METTL15: variants seen among roughly 807,000 people sequenced by gnomAD.
METTL15 encodes the protein 12S rRNA N(4)-cytidine methyltransferase METTL15.
A neutral mutation model predicts 38.3 loss-of-function variants in METTL15; 34 were observed. That is an observed-to-expected ratio of 0.89 (90% CI 0.68 to 1.18). The LOEUF is 1.18. METTL15 is among the 50% of genes most tolerant of loss of function. The probability of loss-of-function intolerance (pLI) is 0.00; values close to 1 mark genes in which losing one functional copy is unlikely to be tolerated. For missense variants in METTL15, 438 were observed against 498.4 expected (o/e 0.88, Z 1.15); for synonymous variants, 162 against 170.9 (o/e 0.95, Z 0.41).
chr11:28,294,848 A>G (rs1023428346), intron 5 of METTL15, among the ~76,000 whole-genome samples: 1 of 152,162 alleles, frequency 6.6e-6, no homozygotes, highest in Non-Finnish European at 1.5e-5. Context: ...GTATTGTCCA[A>G]TTATTTATTT....
chr11:28,399,221 G>A (rs1850605705), intron 5 of METTL15: 1 of 151,970 alleles, frequency 6.6e-6, no homozygotes, highest in African/African-American at 2.4e-5. Flanking sequence ...TTTAATAAAT[G>A]GTGTTGGGAA....
intron 3 of METTL15, among the ~76,000 whole-genome samples, chr11:28,342,049 A>G (rs1849957304): frequency 6.6e-6 from 1 of 152,176 alleles, no homozygotes; most frequent in African/African-American, 2.4e-5. Context: ...AATGTCTGAA[A>G]GGTGTAAAAC....
intron 4 of METTL15, among the ~76,000 whole-genome samples, chr11:28,356,509 G>T (rs1271964950): frequency 6.6e-6 from 1 of 152,204 alleles, no homozygotes; most frequent in Non-Finnish European, 1.5e-5. Flanking sequence ...GAGGCACAAA[G>T]TGGAGGCAAA....
intron 6 of METTL15, among the ~76,000 whole-genome samples, chr11:28,484,511 C>T (rs1851421989): frequency 6.6e-6 from 1 of 152,264 alleles, no homozygotes; most frequent in Admixed American, 6.5e-5. Flanking sequence ...TTTCCATGTC[C>T]TTTGTTGCCT....
chr11:28,237,467 A>G (rs1027740155), intron 4 of METTL15, among the ~76,000 whole-genome samples: 1 of 152,012 alleles, frequency 6.6e-6, no homozygotes, highest in African/African-American at 2.4e-5. Flanking sequence ...TCCTTTAAGC[A>G]CTTCTCTGTA....
intron 4 of METTL15, among the ~76,000 whole-genome samples, chr11:28,250,359 T>C (rs1854689490): frequency 6.6e-6 from 1 of 152,048 alleles, no homozygotes; most frequent in African/African-American, 2.4e-5. Flanking sequence ...AAGCATTTCC[T>C]TTTCTCTCCA....
At chr11:28,314,693 GT>G (rs1857420240) in intron 6 of METTL15, among the ~76,000 whole-genome samples, 1 of 152,110 alleles carries the variant, frequency 6.6e-6, no homozygotes, top group Non-Finnish European at 1.5e-5. Flanking sequence ...AGTTGGTATG[GT>G]TTGGCTCTGT....
intron 6 of METTL15, among the ~76,000 whole-genome samples, chr11:28,466,931 C>G (rs762328065): frequency 6.6e-6 from 1 of 152,196 alleles, no homozygotes; most frequent in Non-Finnish European, 1.5e-5. Context: ...AGCACACATA[C>G]TTTCTGCTCT....
chr11:28,458,404 T>A lies in METTL15; in HGVS notation c.*424+34040T>A, dbSNP rs1227776142. Reference sequence around the variant, plus strand: ...ATCATAACTCTGTGATAACTGGGACTTAGATATCCATAAAACTTGCCCAAT... The same window carrying A: ...ATCATAACTCTGTGATAACTGGGACATAGATATCCATAAAACTTGCCCAAT... On this transcript the variant is annotated intron_variant and NMD_transcript_variant, in intron 6 of 7. Coordinates refer to the METTL15 transcript ENST00000532947. 2.6e-5 allele frequency among the ~76,000 whole-genome samples: 4 copies of A among 152,218 alleles called. No individual in the cohort carries two copies. The East Asian group carries it at 5.8e-4, about 22-fold the overall frequency.
intron 3 of METTL15, among the ~76,000 whole-genome samples, chr11:28,175,209 G>A (rs1851019384): frequency 6.8e-6 from 1 of 147,114 alleles, no homozygotes; most frequent in Non-Finnish European, 1.5e-5. Context: ...TTGGTTTTTT[G>A]TCCTTGCGAT....
chr11:28,460,634 C>T (rs2133454847), intron 6 of METTL15, among the ~76,000 whole-genome samples: 1 of 152,130 alleles, frequency 6.6e-6, no homozygotes, highest in Non-Finnish European at 1.5e-5. Context: ...CTGGTATATG[C>T]TCCCTGCTCT....
At chr11:28,397,535 T>C (rs937089339) in intron 5 of METTL15, among the ~76,000 whole-genome samples, 1 of 151,916 alleles carries the variant, frequency 6.6e-6, no homozygotes, top group Non-Finnish European at 1.5e-5. Flanking sequence ...AAAACCACAA[T>C]GAGATACCAT....
intron 3 of METTL15, among the ~76,000 whole-genome samples, chr11:28,166,956 T>A (rs1045846070): frequency 2.6e-5 from 4 of 152,078 alleles, no homozygotes; most frequent in Non-Finnish European, 5.9e-5. Context: ...CTCAAAAAAA[T>A]AAATAAAAAT....
intron 6 of METTL15, chr11:28,519,472 G>A (rs1172636911): frequency 1.3e-5 from 2 of 152,054 alleles, no homozygotes; most frequent in African/African-American, 4.8e-5. Flanking sequence ...GGAGAATGGG[G>A]CGAACTTGGG....
chr11:28,229,839 C>A (rs1211575183), intron 4 of METTL15, among the ~76,000 whole-genome samples: 3 of 152,054 alleles, frequency 2.0e-5, no homozygotes, highest in Non-Finnish European at 4.4e-5. Context: ...TTAGTGTCTT[C>A]TTTTAACCCC....
intron 3 of METTL15, among the ~76,000 whole-genome samples, chr11:28,351,345 A>G (rs535863057): frequency 6.6e-6 from 1 of 152,148 alleles, no homozygotes; most frequent in East Asian, 1.9e-4. Flanking sequence ...TCCTGAGCTC[A>G]GGCAATCCAG....
intron 4 of METTL15, among the ~76,000 whole-genome samples, chr11:28,245,537 A>G (rs1450093092): frequency 1.3e-5 from 2 of 152,228 alleles, no homozygotes; most frequent in Non-Finnish European, 2.9e-5. Flanking sequence ...AGTAAATAAG[A>G]TGATAGTATT....
At chr11:28,370,758 T>C (rs1451261572) in intron 5 of METTL15, among the ~76,000 whole-genome samples, 1 of 152,034 alleles carries the variant, frequency 6.6e-6, no homozygotes, top group African/African-American at 2.4e-5. Flanking sequence ...TTAACTACTG[T>C]GAAATGAGAT....
intron 4 of METTL15, among the ~76,000 whole-genome samples, chr11:28,226,213 C>A (rs977600179): frequency 4.0e-5 from 6 of 151,856 alleles, no homozygotes; most frequent in African/African-American, 1.4e-4. Context: ...GTGGAACATT[C>A]TTAACCTTTT....
Sources: gnomAD v4.1 joint callset for allele counts (sites outside exome capture counted in the v4.1 genomes callset) on GRCh38, gnomAD v4.1.1 for gene constraint, MANE v1.5 for transcripts, NCBI Gene and HGNC (gene_info 2026-07-23, HGNC 2026-07-21) for gene names.